The following COLEC12 variants were observed in gnomAD, a reference collection of about 807,000 sequenced individuals.
The protein encoded by COLEC12 is collectin subfamily member 12.
COLEC12 carries 33 observed loss-of-function variants against 71.1 expected under a neutral mutation model. That is an observed-to-expected ratio of 0.46 (90% CI 0.35 to 0.62). The LOEUF (loss-of-function observed/expected upper bound fraction) is 0.62, where lower values mean the gene tolerates loss of function less well. Ranked by LOEUF, COLEC12 falls within the 20% of genes least tolerant of loss-of-function variation. The pLI is 0.00. For missense variants in COLEC12, 765 were observed against 916.1 expected (o/e 0.84, Z 2.13); for synonymous variants, 350 against 353.0 (o/e 0.99, Z 0.10).
At chr18:472,578 T>C (rs1302543676) in intron 2 of COLEC12, among the ~76,000 whole-genome samples, 2 of 149,920 alleles carry the variant, frequency 1.3e-5, no homozygotes, top group South Asian at 2.1e-4. Flanking sequence ...TCCCAGCTAC[T>C]TGGGAGGCTG....
chr18:482,265 C>T (rs549552639), intron 1 of COLEC12, among the ~76,000 whole-genome samples: 1 of 151,940 alleles, frequency 6.6e-6, no homozygotes, highest in East Asian at 2.0e-4. Context: ...AGGCACCCGC[C>T]ACTACCCTCC....
At chr18:357,267 G>T in intron 3 of COLEC12, 133 bp downstream of exon 3, 1 of 800,874 alleles carries the variant, frequency 1.2e-6, no homozygotes, top group Non-Finnish European at 2.0e-6. Flanking sequence ...CAGAGATGAA[G>T]TTTATCATGT....
intron 2 of COLEC12, among the ~76,000 whole-genome samples, chr18:468,120 G>A (rs1481668294): frequency 6.6e-6 from 1 of 152,008 alleles, no homozygotes; most frequent in African/African-American, 2.4e-5. Flanking sequence ...AAATTATCTG[G>A]TTGTGGTGTC....
chr18:470,257 A>G (rs1305782740), intron 2 of COLEC12, among the ~76,000 whole-genome samples: 2 of 98,834 alleles, frequency 2.0e-5, no homozygotes, highest in Admixed American at 3.4e-4. Flanking sequence ...TTTGAGACGG[A>G]GTCTCGCTCG....
intron 2 of COLEC12, among the ~76,000 whole-genome samples, chr18:387,762 T>A (rs552895672): frequency 6.6e-6 from 1 of 152,360 alleles, no homozygotes; most frequent in South Asian, 2.1e-4. Context: ...ATCATTTTGA[T>A]GAGTGTAATC....
intron 2 of COLEC12, among the ~76,000 whole-genome samples, chr18:450,824 CA>C (rs2143712850): frequency 2.0e-5 from 3 of 152,240 alleles, no homozygotes; most frequent in Admixed American, 2.0e-4. Flanking sequence ...TCGTTGTGAC[CA>C]AAATGCTGAT....
chr18:491,390 C>A (rs1278887935), intron 1 of COLEC12, among the ~76,000 whole-genome samples: 2 of 152,240 alleles, frequency 1.3e-5, no homozygotes, highest in East Asian at 3.8e-4. Context: ...TGAAGACTGG[C>A]TCCACCTTGT....
intron 2 of COLEC12, among the ~76,000 whole-genome samples, chr18:438,201 T>C (rs866828696): frequency 1.3e-5 from 2 of 152,198 alleles, no homozygotes; most frequent in South Asian, 2.1e-4. Flanking sequence ...ATTTCAGATG[T>C]TGTAAAGTCA....
intron 2 of COLEC12, among the ~76,000 whole-genome samples, chr18:387,123 T>C (rs922752746): frequency 6.6e-6 from 1 of 152,246 alleles, no homozygotes; most frequent in Non-Finnish European, 1.5e-5. Context: ...TGAGCTCGCT[T>C]TTGGCAGATT....
intron 2 of COLEC12, among the ~76,000 whole-genome samples, chr18:467,048 C>G (rs183016174): frequency 6.6e-6 from 1 of 152,320 alleles, no homozygotes; most frequent in Admixed American, 6.5e-5. Flanking sequence ...AGAATACACC[C>G]TTTCTAGGTG....
At chr18:429,161 T>C (rs1916252476) in intron 2 of COLEC12, among the ~76,000 whole-genome samples, 1 of 152,216 alleles carries the variant, frequency 6.6e-6, no homozygotes, top group Admixed American at 6.5e-5. Flanking sequence ...TTTGCTCACA[T>C]TGAGATGTAA....
At chr18:354,080 T>C (rs1914578192) in intron 3 of COLEC12, among the ~76,000 whole-genome samples, 2 of 152,230 alleles carry the variant, frequency 1.3e-5, no homozygotes, top group South Asian at 4.1e-4. Flanking sequence ...GAAGGTTGCC[T>C]GTTGGAAAGG....
chr18:431,966 C>T (rs2143676039), intron 2 of COLEC12, among the ~76,000 whole-genome samples: 1 of 152,272 alleles, frequency 6.6e-6, no homozygotes, highest in East Asian at 1.9e-4. Flanking sequence ...GGTTAAATAA[C>T]TTGCCTGTGG....
chr18:342,454 T>C (rs1369084173), intron 5 of COLEC12, among the ~76,000 whole-genome samples: 1 of 152,242 alleles, frequency 6.6e-6, no homozygotes, highest in African/African-American at 2.4e-5. Flanking sequence ...GCACTGGGGT[T>C]CATCAAGTGC....
intron 2 of COLEC12, among the ~76,000 whole-genome samples, chr18:419,343 C>T (rs982323624): frequency 2.0e-5 from 3 of 152,082 alleles, no homozygotes; most frequent in East Asian, 1.9e-4. Context: ...GTAGCTGGGA[C>T]TACAGGCGCA....
chr18:499,821 C>T (rs1017111232), intron 1 of COLEC12, among the ~76,000 whole-genome samples: 5 of 152,250 alleles, frequency 3.3e-5, no homozygotes, highest in Non-Finnish European at 7.3e-5. Flanking sequence ...GCAGAGGACA[C>T]CGCGCAGGGG....
chr18:480,749 C>T lies in COLEC12; in HGVS notation c.16G>A (p.Ala6Thr), dbSNP rs1257878281. The T allele has an allele frequency of 6.8e-6, 11 of 1,613,880 alleles. No individual in the cohort carries two copies. The highest frequency in any genetic ancestry group is 2.2e-5 in the East Asian group (1 of 44,876). MKDDFAEEEEVQSFGY... is the reference protein window; with the variant it reads MKDDFTEEEEVQSFGY... ...AAGGATTGCACCTCCTCCTCCTCTG[C>T]GAAGTCGTCTGTGAGAGAAGAAGAG... The change falls in exon 2 of 10, where the codon GCA (alanine) becomes ACA (threonine). Residue 6 changes from alanine (A) to threonine (T), a missense_variant. Coordinates refer to ENST00000400256, the MANE Select transcript of COLEC12 (RefSeq NM_130386.3). The surrounding 1 kb of genome is among the most constrained non-coding windows in gnomAD (Gnocchi z 4.1).
chr18:350,588 C>T (rs1402522108), intron 3 of COLEC12, among the ~76,000 whole-genome samples: 1 of 152,060 alleles, frequency 6.6e-6, no homozygotes, highest in Admixed American at 6.5e-5. Flanking sequence ...CTTCTAGCAG[C>T]TTGGGATCAA....
intron 3 of COLEC12, among the ~76,000 whole-genome samples, chr18:356,426 T>C (rs1914629964): frequency 6.6e-6 from 1 of 152,174 alleles, no homozygotes; most frequent in Non-Finnish European, 1.5e-5. Flanking sequence ...ACTTGGACTG[T>C]CTGGCCCTGA....
Sources: gnomAD v4.1 joint callset for allele counts (sites outside exome capture counted in the v4.1 genomes callset) on GRCh38, gnomAD v4.1.1 for gene constraint, Gnocchi (gnomAD v3.1) non-coding constraint, MANE v1.5 for transcripts, NCBI Gene and HGNC (gene_info 2026-07-23, HGNC 2026-07-21) for gene names.